The following ADGRV1 variants were observed in gnomAD, a reference collection of about 807,000 sequenced individuals.
The protein encoded by ADGRV1 is adhesion G protein-coupled receptor V1.
ADGRV1 carries 359 observed loss-of-function variants against 596.2 expected under a neutral mutation model. The observed-to-expected ratio is 0.60, with a 90% confidence interval of 0.55 to 0.66. The LOEUF (loss-of-function observed/expected upper bound fraction) is 0.66, where lower values mean the gene tolerates loss of function less well. Ranked by LOEUF, ADGRV1 falls within the 30% of genes least tolerant of loss-of-function variation. The pLI, the probability that ADGRV1 is intolerant of heterozygous loss-of-function variation, is 0.00. For missense variants in ADGRV1, 7,274 were observed against 7,575.6 expected (o/e 0.96, Z 1.48); for synonymous variants, 2,681 against 2,679.2 (o/e 1.00, Z -0.02).
chr5:90,665,461 T>C (rs1414522752), intron 21 of ADGRV1, among the ~76,000 whole-genome samples: 1 of 152,078 alleles, frequency 6.6e-6, no homozygotes, highest in Non-Finnish European at 1.5e-5. Flanking sequence ...GTGGTGATAT[T>C]CCCTTTATCA....
At chr5:91,113,006 A>T (rs1792510288) in intron 87 of ADGRV1, among the ~76,000 whole-genome samples, 1 of 152,192 alleles carries the variant, frequency 6.6e-6, no homozygotes, top group Non-Finnish European at 1.5e-5. Context: ...AAGAGCTGAG[A>T]CTGTAAACCT....
intron 83 of ADGRV1, chr5:90,929,173 C>G (rs1246617376): frequency 6.3e-6 from 1 of 158,098 alleles, no homozygotes; most frequent in Non-Finnish European, 1.4e-5. Flanking sequence ...GTTTGAGCTT[C>G]CAGGCTGCTT....
rs878853348 is a variant in ADGRV1 at position 90,679,603 on chromosome 5, TCTTC to T, written c.5504_5507del (p.Leu1835GlnfsTer9). The T allele has an allele frequency of 6.2e-7, 1 of 1,613,648 alleles. No individual in the cohort carries two copies. The highest frequency in any genetic ancestry group is 8.5e-7 in the Non-Finnish European group (1 of 1,179,686). On this transcript the variant is annotated frameshift_variant, in exon 26 of 90. Coordinates refer to ENST00000405460, the MANE Select transcript of ADGRV1 (RefSeq NM_032119.4). LOFTEE classifies it high-confidence loss of function. ...GGTAGTGGTGATGGGGACATGGAATTCTTCCTTCCAACTATTCACAAACGTGGTA... is the reference window on the plus strand; with the variant it reads ...GGTAGTGGTGATGGGGACATGGAATTCTTCCAACTATTCACAAACGTGGTA...
At chr5:90,719,198 T>C (rs760909363) in intron 43 of ADGRV1, among the ~76,000 whole-genome samples, 3 of 151,998 alleles carry the variant, frequency 2.0e-5, no homozygotes, top group Admixed American at 1.3e-4. Flanking sequence ...GGTGTAGTGG[T>C]GTGTACCTGA....
chr5:91,099,968 T>G (rs1320948935), intron 86 of ADGRV1, among the ~76,000 whole-genome samples: 1 of 152,196 alleles, frequency 6.6e-6, no homozygotes, highest in Admixed American at 6.5e-5. Context: ...AGTTTCTAAA[T>G]ACCATTCTCC....
intron 87 of ADGRV1, among the ~76,000 whole-genome samples, chr5:91,140,909 A>G (rs900130656): frequency 2.0e-5 from 3 of 152,214 alleles, no homozygotes; most frequent in Admixed American, 2.0e-4. Context: ...AAATAGGCTC[A>G]AAAGGAAAGG....
chr5:90,873,521 C>T (rs1205796749), intron 83 of ADGRV1, among the ~76,000 whole-genome samples: 2 of 152,136 alleles, frequency 1.3e-5, no homozygotes, highest in East Asian at 1.9e-4. Context: ...CGTTTATTCT[C>T]GCTCTTCTGC....
At chr5:90,559,975 C>A (rs1017905057) in intron 1 of ADGRV1, among the ~76,000 whole-genome samples, 1 of 152,110 alleles carries the variant, frequency 6.6e-6, no homozygotes, top group African/African-American at 2.4e-5. Context: ...GGGTTAATTT[C>A]ATAGAGTAAG....
chr5:90,717,630 C>T (rs992967174), intron 43 of ADGRV1: 1 of 152,086 alleles, frequency 6.6e-6, no homozygotes, highest in African/African-American at 2.4e-5. Flanking sequence ...TGAGTGGCTA[C>T]AGGCGCCCAC....
At chr5:90,592,784 G>T (rs531174668) in intron 1 of ADGRV1, among the ~76,000 whole-genome samples, 2 of 152,274 alleles carry the variant, frequency 1.3e-5, no homozygotes, top group South Asian at 4.1e-4. Context: ...AAAAGTGGGC[G>T]AAGGATATGA....
At chr5:90,818,878 T>C (rs1031381338) in intron 75 of ADGRV1, among the ~76,000 whole-genome samples, 1 of 149,410 alleles carries the variant, frequency 6.7e-6, no homozygotes, top group Non-Finnish European at 1.5e-5. Context: ...AAAATTCTCT[T>C]TTTTGGTTGT....
At chr5:90,997,090 G>T (rs1781479796) in intron 85 of ADGRV1, among the ~76,000 whole-genome samples, 1 of 152,176 alleles carries the variant, frequency 6.6e-6, no homozygotes, top group Non-Finnish European at 1.5e-5. Flanking sequence ...ATGCTGAAAT[G>T]AGTTAATATT....
At chr5:90,776,051 T>G (rs1470813667) in intron 60 of ADGRV1, among the ~76,000 whole-genome samples, 2 of 152,174 alleles carry the variant, frequency 1.3e-5, no homozygotes, top group Non-Finnish European at 2.9e-5. Flanking sequence ...AAATTAAAAA[T>G]GAAAAAGTGC....
chr5:90,711,433 A>G, intron 41 of ADGRV1, 111 bp downstream of exon 41: 1 of 802,764 alleles, frequency 1.2e-6, no homozygotes, highest in Non-Finnish European at 1.8e-6. Flanking sequence ...CTTAAAAACC[A>G]TTGTATTTTT....
chr5:90,755,576 T>G (rs1292620334), intron 55 of ADGRV1, among the ~76,000 whole-genome samples: 1 of 151,886 alleles, frequency 6.6e-6, no homozygotes, highest in Non-Finnish European at 1.5e-5. Flanking sequence ...GTATTTTCCT[T>G]TCATGATATG....
intron 85 of ADGRV1, among the ~76,000 whole-genome samples, chr5:90,993,154 C>CTTT (rs1235025923): frequency 1.9e-3 from 186 of 97,622 alleles, no homozygotes; most frequent in East Asian, 4.1e-3. Context: ...TTGGTTTTCA[C>CTTT]TTTTTTTTTT....
chr5:90,818,465 G>A (rs1763138310), intron 75 of ADGRV1, among the ~76,000 whole-genome samples: 1 of 150,280 alleles, frequency 6.7e-6, no homozygotes, highest in Non-Finnish European at 1.5e-5. Context: ...AATAGGAGTG[G>A]TGAGAGAGGG....
intron 86 of ADGRV1, among the ~76,000 whole-genome samples, chr5:91,073,307 G>T (rs1233425212): frequency 6.6e-6 from 1 of 152,212 alleles, no homozygotes; most frequent in Non-Finnish European, 1.5e-5. Flanking sequence ...AGCAGCTTAA[G>T]AGCTGGGAGT....
At chr5:90,708,979 C>A in intron 39 of ADGRV1, 70 bp downstream of exon 39, 1 of 996,116 alleles carries the variant, frequency 1.0e-6, no homozygotes, top group Non-Finnish European at 1.6e-6. Context: ...ATTTTTGAAT[C>A]AGAAGTGATC....
Sources: gnomAD v4.1 joint callset for allele counts (sites outside exome capture counted in the v4.1 genomes callset) on GRCh38, gnomAD v4.1.1 for gene constraint, MANE v1.5 for transcripts, NCBI Gene and HGNC (gene_info 2026-07-23, HGNC 2026-07-21) for gene names.